The following PDCD11 variants were observed in gnomAD, a reference collection of about 807,000 sequenced individuals.
The protein encoded by PDCD11 is protein RRP5 homolog.
PDCD11 carries 97 observed loss-of-function variants against 198.9 expected under a neutral mutation model. That is an observed-to-expected ratio of 0.49 (90% CI 0.41 to 0.58). The LOEUF (loss-of-function observed/expected upper bound fraction) is 0.58. Ranked by LOEUF, PDCD11 falls within the 20% of genes least tolerant of loss-of-function variation. The pLI, the probability that PDCD11 is intolerant of heterozygous loss-of-function variation, is 0.00. For synonymous variants in PDCD11, 893 were observed against 918.0 expected (o/e 0.97, Z 0.49); for missense variants, 2,102 against 2,312.7 (o/e 0.91, Z 1.87).
chr10:103,435,049 C>T, intron 25 of PDCD11, 74 bp downstream of exon 25: 1 of 1,149,404 alleles, frequency 8.7e-7, no homozygotes, highest in Admixed American at 3.1e-5. Context: ...TGTTGTAATA[C>T]ATGACTTTTT....
rs1237813973 is a variant in PDCD11, at chr10:103,421,578, T to C, written c.2497+11T>C. On this transcript the variant is annotated intron_variant, in intron 17 of 35. Transcript: ENST00000369797. ...TTATGAGCAACCGAGGTGGGGCACCTGTGGGGCAGGGGAGGTGGGCCAGGG... is the reference window on the plus strand; with the variant it reads ...TTATGAGCAACCGAGGTGGGGCACCCGTGGGGCAGGGGAGGTGGGCCAGGG... 1.3e-6 allele frequency: 2 copies of C among 1,547,476 alleles called. No homozygotes were observed.
In PDCD11 at chr10:103,419,593, A is replaced by G. The variant is rs2031308545; in HGVS notation, c.2162A>G (p.Lys721Arg). 2 of 1,614,180 alleles carry G rather than the reference A, an allele frequency of 1.2e-6. No homozygotes were observed. The highest frequency in any genetic ancestry group is 1.7e-6 in the Non-Finnish European group (2 of 1,180,026). ...VSTVEGGQDP[K>R]NFSEIHPGML... The stretch of plus-strand genomic sequence containing the variant: ...ACAGTAGAAGGTGGCCAGGATCCCA[A>G]GAACTTCTCAGAAATCCATCCTGGA... Residue 721 changes from lysine to arginine, a missense_variant, in exon 16 of 36, where the codon AAG becomes AGG. Physicochemically the swap from Lys to Arg is conservative, Grantham distance 26 (BLOSUM62 2). Coordinates refer to ENST00000369797, the MANE Select transcript of PDCD11 (RefSeq NM_014976.2).
chr10:103,404,916 G>A, intron 4 of PDCD11, 106 bp from the exon 5 acceptor site: 4 of 1,031,140 alleles, frequency 3.9e-6, no homozygotes, highest in Non-Finnish European at 5.6e-6. Context: ...CACCTTTTGG[G>A]TTCTCTGGGG....
chr10:103,403,831 A>C (rs2030271413), intron 4 of PDCD11, among the ~76,000 whole-genome samples: 1 of 152,074 alleles, frequency 6.6e-6, no homozygotes, highest in South Asian at 2.1e-4. Context: ...AGGACTGAGG[A>C]GGCAAAGTCA....
rs190894785 is a variant in PDCD11 at position 103,405,982 on chromosome 10, C to T, written c.565-3C>T. The T allele has an allele frequency of 6.2e-7, 1 of 1,613,274 alleles. No individual in the cohort carries two copies. Among genetic ancestry groups the T allele is most frequent in the East Asian group, 2.2e-5 (1 of 44,876 alleles). ...ACTTCTGGGACTACTTTCTCTTCCC[C>T]AGCTACTTACAGGTACCGTATCCAG... On this transcript the variant is annotated splice_region_variant and splice_polypyrimidine_tract_variant and intron_variant, in intron 5 of 35. Coordinates refer to ENST00000369797, the MANE Select transcript of PDCD11 (RefSeq NM_014976.2).
intron 30 of PDCD11, 26 bp from the exon 31 acceptor site, chr10:103,441,800 T>G (rs1298982596): frequency 6.2e-7 from 1 of 1,607,218 alleles, no homozygotes; most frequent in South Asian, 1.1e-5. Context: ...CCAGGTGCTT[T>G]CTTTAGCGCC....
intron 21 of PDCD11, among the ~76,000 whole-genome samples, chr10:103,429,911 G>C (rs908512976): frequency 6.6e-6 from 1 of 152,098 alleles, no homozygotes; most frequent in Non-Finnish European, 1.5e-5. Flanking sequence ...GTCCTTTTGT[G>C]ACTGGCTTAT....
Position 103,443,182 on chromosome 10 carries a change from T to G in PDCD11, c.4973T>G (p.Leu1658Arg), listed in dbSNP as rs199690041. ...CCCTCCAGAGAGGAGCAGGAGAAGC[T>G]GAACGTGTGGGTGGCTCTGCTGAAC... ...TISFREEQEKLNVWVALLNLE... is the reference protein window; with the variant it reads ...TISFREEQEKRNVWVALLNLE... Residue 1658 changes from leucine to arginine, a missense_variant, in exon 33 of 36, where the codon CTG becomes CGG. Leu to Arg is a moderately radical substitution (Grantham distance 102). Coordinates refer to ENST00000369797, the MANE Select transcript of PDCD11 (RefSeq NM_014976.2). 1 of 1,596,086 alleles carries G rather than the reference T, an allele frequency of 6.3e-7. No individual in the cohort carries two copies. The highest frequency in any genetic ancestry group is 8.6e-7 in the Non-Finnish European group (1 of 1,167,872).
At chr10:103,428,286 C>G (rs1161288722) in intron 21 of PDCD11, among the ~76,000 whole-genome samples, 2 of 144,710 alleles carry the variant, frequency 1.4e-5, no homozygotes, top group African/African-American at 5.2e-5. Flanking sequence ...GCCTGGGCAA[C>G]AAGAGCGAAA....
intron 4 of PDCD11, among the ~76,000 whole-genome samples, chr10:103,404,169 G>C (rs753514290): frequency 6.7e-6 from 1 of 149,362 alleles, no homozygotes; most frequent in Non-Finnish European, 1.5e-5. Flanking sequence ...TTGTATTTTC[G>C]GTAGAGACAG....
At position 103,400,444 on chromosome 10, in the gene PDCD11, G is replaced by T; in HGVS notation, c.150G>T (p.Gly50=). The T allele has an allele frequency of 1.9e-6, 3 of 1,613,932 alleles. No individual in the cohort carries two copies. The highest frequency in any genetic ancestry group is 2.5e-6 in the Non-Finnish European group (3 of 1,179,932). Residue 50 remains glycine, a synonymous_variant, in exon 3 of 36, where the codon GGG becomes GGT. Coordinates refer to ENST00000369797, the MANE Select transcript of PDCD11 (RefSeq NM_014976.2). ...CCAAAAGAAAAAAGAGCCAGAAGGGGCCAGCAAAAACAAAAAAGTTGAAAA... is the reference window on the plus strand; with the variant it reads ...CCAAAAGAAAAAAGAGCCAGAAGGGTCCAGCAAAAACAAAAAAGTTGAAAA... ...GSTKRKKSQK[G]PAKTKKLKIE...
chr10:103,400,015 A>G (rs914927088), intron 2 of PDCD11, among the ~76,000 whole-genome samples: 2 of 152,150 alleles, frequency 1.3e-5, no homozygotes, highest in African/African-American at 4.8e-5. Context: ...CTGAAACCAC[A>G]TAGCTTGTTA....
chr10:103,419,230 A>G (rs968758534), intron 15 of PDCD11, among the ~76,000 whole-genome samples: 4 of 152,140 alleles, frequency 2.6e-5, no homozygotes, highest in Non-Finnish European at 2.9e-5. Context: ...GGTGTCCTCT[A>G]GTAATCTGCA....
intron 33 of PDCD11, 94 bp downstream of exon 33, chr10:103,443,427 G>A: frequency 8.7e-7 from 1 of 1,155,264 alleles, no homozygotes; most frequent in South Asian, 1.7e-5. Context: ...CCTGCTGTGA[G>A]CTTGCCACCC....
rs1261840806 is a variant in PDCD11, at chr10:103,423,619, T to C, written c.2724T>C (p.Val908=). The C allele has an allele frequency of 6.2e-7, 1 of 1,613,626 alleles. No homozygotes were observed. The highest frequency in any genetic ancestry group is 1.1e-5 in the South Asian group (1 of 91,072). ...ATCTTTTGAAGTTGGAAGTGCACGT[T>C]TCCCTTCACCAGGACTTGGTGAATA... The part of the protein sequence containing the change: ...NVDLLKLEVH[V]SLHQDLVNRK... The change falls in exon 19 of 36, where the codon GTT becomes GTC. Residue 908 remains valine (V), a synonymous_variant. Coordinates refer to ENST00000369797, the MANE Select transcript of PDCD11 (RefSeq NM_014976.2).
intron 1 of PDCD11, among the ~76,000 whole-genome samples, chr10:103,397,590 C>A (rs973938292): frequency 6.6e-6 from 1 of 152,202 alleles, no homozygotes; most frequent in Non-Finnish European, 1.5e-5. Flanking sequence ...CAGGCCACCA[C>A]GCCCGGCTAA....
chr10:103,443,574 C>T (rs1236217132), intron 33 of PDCD11, among the ~76,000 whole-genome samples: 1 of 152,186 alleles, frequency 6.6e-6, no homozygotes, highest in East Asian at 1.9e-4. Flanking sequence ...GGTGTGTCTG[C>T]CTTGGGCTGC....
At chr10:103,416,036 C>G (rs2031088852) in intron 12 of PDCD11, among the ~76,000 whole-genome samples, 1 of 152,152 alleles carries the variant, frequency 6.6e-6, no homozygotes, top group African/African-American at 2.4e-5. Context: ...AATACTTTTT[C>G]TGTCTTTAAG....
At position 103,440,755 on chromosome 10, in the gene PDCD11, A is replaced by G; in HGVS notation, c.4462A>G (p.Lys1488Glu). The stretch of plus-strand genomic sequence containing the variant: ...TCAGGAAAGAGTGAGCAAGAAGCCA[A>G]AGAAAGCCGGCCTGTCAGAGGAGGA... ...SEQERVSKKP[K>E]KAGLSEEDDS... Residue 1488 changes from lysine (K) to glutamate (E), a missense_variant, in exon 30 of 36, where the codon AAG becomes GAG. Physicochemically the swap from Lys to Glu is moderately conservative, Grantham distance 56. Transcript: ENST00000369797. The G allele has an allele frequency of 6.2e-7, 1 of 1,614,112 alleles. No individual in the cohort carries two copies. The highest frequency in any genetic ancestry group is 1.1e-5 in the South Asian group (1 of 91,082).
Sources: allele counts gnomAD v4.1 joint callset (sites outside exome capture counted in the v4.1 genomes callset), GRCh38; gene constraint gnomAD v4.1.1; transcripts MANE v1.5; gene names NCBI Gene and HGNC (gene_info 2026-07-23, HGNC 2026-07-21).